FAM227B: variants seen among roughly 807,000 people sequenced by gnomAD.
FAM227B encodes family with sequence similarity 227 member B.
A neutral mutation model predicts 73.8 loss-of-function variants in FAM227B; 88 were observed. That is an observed-to-expected ratio of 1.19 (90% CI 1.00 to 1.42). The LOEUF is 1.42. Among genes scored for constraint, FAM227B ranks in the 40% most tolerant of loss-of-function variants. FAM227B has a pLI of 0.00. For synonymous variants in FAM227B, 210 were observed against 190.5 expected (o/e 1.10, Z -0.84); for missense variants, 632 against 590.9 (o/e 1.07, Z -0.72).
chr15:49,460,282 A>G (rs765258554), intron 11 of FAM227B, among the ~76,000 whole-genome samples: 4 of 152,226 alleles, frequency 2.6e-5, no homozygotes, highest in South Asian at 2.1e-4. Flanking sequence ...TACATAGTAC[A>G]TAAGTACTGA....
At chr15:49,578,549 T>A (rs965512891) in intron 5 of FAM227B, among the ~76,000 whole-genome samples, 1 of 152,018 alleles carries the variant, frequency 6.6e-6, no homozygotes, top group Non-Finnish European at 1.5e-5. Context: ...TACAAGTAAG[T>A]TTTACACACA....
chr15:49,361,628 T>C (rs943030275), intron 13 of FAM227B, among the ~76,000 whole-genome samples: 1 of 152,210 alleles, frequency 6.6e-6, no homozygotes, highest in East Asian at 1.9e-4. Flanking sequence ...GTACCACGTT[T>C]TCTTTACCTA....
At chr15:49,397,047 C>G (rs965441178) in intron 11 of FAM227B, among the ~76,000 whole-genome samples, 7 of 152,104 alleles carry the variant, frequency 4.6e-5, no homozygotes, top group African/African-American at 1.7e-4. Context: ...TCAAATTACT[C>G]TGAGCTACGG....
chr15:49,538,111 G>A (rs1179397314), intron 10 of FAM227B, among the ~76,000 whole-genome samples: 1 of 152,202 alleles, frequency 6.6e-6, no homozygotes. Flanking sequence ...ACAAGGGAGT[G>A]TGGTGGCTTT....
intron 2 of FAM227B, 181 bp downstream of exon 2, chr15:49,614,940 T>C: frequency 1.6e-6 from 1 of 639,928 alleles, no homozygotes; most frequent in Non-Finnish European, 2.8e-6. Flanking sequence ...CTATTAAAGC[T>C]TTCTTCCTTG....
At chr15:49,575,576 T>A (rs2075392397) in intron 7 of FAM227B, among the ~76,000 whole-genome samples, 1 of 152,064 alleles carries the variant, frequency 6.6e-6, no homozygotes, top group Non-Finnish European at 1.5e-5. Flanking sequence ...TTTAGATTTA[T>A]ATATAAAGTA....
At chr15:49,559,989 C>T (rs1173551844) in intron 9 of FAM227B, among the ~76,000 whole-genome samples, 2 of 151,568 alleles carry the variant, frequency 1.3e-5, no homozygotes, top group African/African-American at 4.8e-5. Context: ...GTTGCAACAC[C>T]ACCAAAAGAT....
At chr15:49,401,337 A>T (rs935653377) in intron 11 of FAM227B, among the ~76,000 whole-genome samples, 7 of 152,270 alleles carry the variant, frequency 4.6e-5, no homozygotes, top group Non-Finnish European at 1.0e-4. Flanking sequence ...CAATCATTAA[A>T]AAGTCAGGAA....
At chr15:49,600,338 G>GTTTC (rs1256993578) in intron 3 of FAM227B, among the ~76,000 whole-genome samples, 2 of 147,956 alleles carry the variant, frequency 1.4e-5, no homozygotes, top group East Asian at 2.0e-4. Flanking sequence ...GCATATAGCT[G>GTTTC]TTTCTTTCTT....
At position 49,418,878 on chromosome 15, in the gene FAM227B, G is replaced by A. The variant is rs1009402063; in HGVS notation, c.1013-47479C>T. Reference sequence around the variant, plus strand: ...ATATTTATAAATATAAATCAACCTAGCTTTAATTTTGAGAATTCTGCTCTT... The same window carrying A: ...ATATTTATAAATATAAATCAACCTAACTTTAATTTTGAGAATTCTGCTCTT... On this transcript the variant is annotated intron_variant, in intron 11 of 15. Coordinates refer to ENST00000299338, the MANE Select transcript of FAM227B (RefSeq NM_152647.3). 2.0e-5 allele frequency among the ~76,000 whole-genome samples: 3 copies of A among 152,002 alleles called. No individual in the cohort carries two copies. In the South Asian group the frequency reaches 6.2e-4, roughly 31 times the overall value.
intron 11 of FAM227B, among the ~76,000 whole-genome samples, chr15:49,389,970 G>T (rs917335942): frequency 6.6e-6 from 1 of 151,952 alleles, no homozygotes; most frequent in Non-Finnish European, 1.5e-5. Flanking sequence ...ATTACTTTAC[G>T]CAGTGCTTCT....
intron 11 of FAM227B, chr15:49,484,622 A>G (rs2056255474): frequency 3.8e-6 from 2 of 525,808 alleles, no homozygotes; most frequent in Non-Finnish European, 6.5e-6. Context: ...AGGCTGGAAA[A>G]CTACTGAAAA....
At chr15:49,465,121 CTTAATT>C (rs2054144239) in intron 11 of FAM227B, among the ~76,000 whole-genome samples, 1 of 151,684 alleles carries the variant, frequency 6.6e-6, no homozygotes, top group Non-Finnish European at 1.5e-5. Flanking sequence ...GAATGTCCTT[CTTAATT>C]TTATTTTTAT....
intron 11 of FAM227B, among the ~76,000 whole-genome samples, chr15:49,435,926 T>C (rs888326048): frequency 1.3e-5 from 2 of 151,666 alleles, no homozygotes; most frequent in Non-Finnish European, 3.0e-5. Context: ...TGTAAGTATA[T>C]AATTAATGTT....
At chr15:49,521,025 T>C (rs1220284957) in intron 10 of FAM227B, among the ~76,000 whole-genome samples, 2 of 152,098 alleles carry the variant, frequency 1.3e-5, no homozygotes. Context: ...TTGGAAGTGA[T>C]ATGGGAACTT....
chr15:49,533,540 A>G (rs2060779446), intron 10 of FAM227B, among the ~76,000 whole-genome samples: 1 of 151,848 alleles, frequency 6.6e-6, no homozygotes, highest in South Asian at 2.1e-4. Flanking sequence ...TGCTTTATAT[A>G]TTTAGGTGCT....
chr15:49,580,800 T>A (rs2075760907), intron 5 of FAM227B, among the ~76,000 whole-genome samples: 1 of 152,158 alleles, frequency 6.6e-6, no homozygotes, highest in South Asian at 2.1e-4. Context: ...CAAACTGAAC[T>A]GACAGAGCTG....
At chr15:49,395,837 T>A in intron 11 of FAM227B, 5 of 422,730 alleles carry the variant, frequency 1.2e-5, no homozygotes, top group South Asian at 8.6e-5. Context: ...AGAGTTAAAC[T>A]CAACACATTC....
intron 11 of FAM227B, among the ~76,000 whole-genome samples, chr15:49,457,239 A>C (rs1463204957): frequency 6.6e-6 from 1 of 152,074 alleles, no homozygotes; most frequent in Non-Finnish European, 1.5e-5. Context: ...AAGAGAGAAG[A>C]GTTCGTTTAA....
Sources: gnomAD v4.1 joint callset for allele counts (sites outside exome capture counted in the v4.1 genomes callset) on GRCh38, gnomAD v4.1.1 for gene constraint, MANE v1.5 for transcripts, NCBI Gene and HGNC (gene_info 2026-07-23, HGNC 2026-07-21) for gene names.